Variants in DMXL2 observed in about 807,000 individuals in gnomAD.
DMXL2 encodes Dmx like 2.
In DMXL2, 103 loss-of-function variants were observed where a neutral mutation model predicts 331.1. The observed-to-expected ratio is 0.31, with a 90% CI of 0.27 to 0.37. DMXL2 has a LOEUF of 0.37. Ranked by LOEUF, DMXL2 falls within the 10% of genes least tolerant of loss-of-function variation. The pLI, the probability that DMXL2 is intolerant of heterozygous loss-of-function variation, is 1.00. For synonymous variants in DMXL2, 1,281 were observed against 1,252.1 expected, an observed-to-expected ratio of 1.02 and a Z score of -0.49; for missense variants, 3,171 against 3,642.9, an observed-to-expected ratio of 0.87 and a Z score of 3.33.
chr15:51,576,000 T>C, intron 2 of DMXL2, 56 bp downstream of exon 2: 1 of 1,495,176 alleles, frequency 6.7e-7, no homozygotes, highest in Non-Finnish European at 9.1e-7. Context: ...AAGAAGATTC[T>C]GAGATTATTA....
At chr15:51,554,496 T>C (rs2049423513) in intron 6 of DMXL2, among the ~76,000 whole-genome samples, 1 of 152,196 alleles carries the variant, frequency 6.6e-6, no homozygotes, top group South Asian at 2.1e-4. Context: ...GTTTTTCCAG[T>C]GATTCTGACA....
chr15:51,527,478 T>G (rs1184250704), intron 13 of DMXL2, among the ~76,000 whole-genome samples: 2 of 152,046 alleles, frequency 1.3e-5, no homozygotes, highest in African/African-American at 4.8e-5. Context: ...CCTGTAATCC[T>G]AGCACTTTGG....
intron 42 of DMXL2, chr15:51,450,571 CAGAG>C (rs1213312840): frequency 1.9e-5 from 10 of 518,186 alleles, no homozygotes; most frequent in Non-Finnish European, 3.5e-5. Context: ...GAAATGAACA[CAGAG>C]AGAAAAAGAA....
At position 51,535,772 on chromosome 15, in the gene DMXL2, T is replaced by C. The variant is rs1596162934; in HGVS notation, c.2327A>G (p.Asn776Ser). ...IPSYCLGTYC[N>S]SASACFVASD... Reference sequence around the variant, plus strand: ...AGCAACAAAGCAAGCACTTGCAGAATTGCAGTATGTGCCTGAGAAAGGAAA... The same window carrying C: ...AGCAACAAAGCAAGCACTTGCAGAACTGCAGTATGTGCCTGAGAAAGGAAA... Residue 776 changes from asparagine to serine, a missense_variant, in exon 13 of 44, where the codon AAT becomes AGT. This residue lies in a region of DMXL2 where 1,674 missense variants were observed against 1,780.2 expected (regional missense o/e 0.94). Transcript: ENST00000560891. 4.4e-6 allele frequency: 7 copies of C among 1,608,698 alleles called. No individual in the cohort carries two copies. Among genetic ancestry groups the C allele is most frequent in the East Asian group, 2.2e-5 (1 of 44,590 alleles).
rs571853460 is a variant in DMXL2, at chr15:51,504,444, C to T, written c.2765-1411G>A. Among the ~76,000 whole-genome samples the T allele has an allele frequency of 2.0e-5, 3 of 152,282 alleles. No homozygotes were observed. In the South Asian group the frequency reaches 6.2e-4, roughly 32 times the overall value. ...ATTGACTTGATCTTCCAAAGAACTT[C>T]CAGTGAGTGTAAATCTCTGATTCAG... On this transcript the variant is annotated intron_variant, in intron 16 of 43. Coordinates refer to ENST00000560891, the MANE Select transcript of DMXL2 (RefSeq NM_001378457.1).
chr15:51,478,904 TA>T (rs1005017374), intron 25 of DMXL2, among the ~76,000 whole-genome samples: 6 of 144,612 alleles, frequency 4.1e-5, no homozygotes, highest in Admixed American at 3.6e-4. Context: ...TAGAAAGTTT[TA>T]AATTTCTCCA....
chr15:51,540,170 T>C (rs1217780819), intron 9 of DMXL2, among the ~76,000 whole-genome samples: 1 of 152,186 alleles, frequency 6.6e-6, no homozygotes, highest in Non-Finnish European at 1.5e-5. Context: ...GAAAGAAAAC[T>C]GAGAGACAAC....
At chr15:51,495,984 A>G (rs1417869830) in intron 18 of DMXL2, among the ~76,000 whole-genome samples, 1 of 152,026 alleles carries the variant, frequency 6.6e-6, no homozygotes, top group East Asian at 1.9e-4. Flanking sequence ...CAGTTTTGCC[A>G]TTACTTTTGC....
chr15:51,606,694 G>A (rs1315654145), intron 1 of DMXL2, among the ~76,000 whole-genome samples: 1 of 152,130 alleles, frequency 6.6e-6, no homozygotes, highest in African/African-American at 2.4e-5. Context: ...AATACACAAA[G>A]TCAACAATAT....
intron 3 of DMXL2, 35 bp from the exon 4 acceptor site, chr15:51,565,201 GA>G: frequency 7.1e-7 from 1 of 1,410,796 alleles, no homozygotes; most frequent in Non-Finnish European, 9.6e-7. Context: ...TAAGAAAAAA[GA>G]AAAAGATGTT....
chr15:51,537,387 C>G (rs1567085564), intron 11 of DMXL2, 101 bp downstream of exon 11: 10 of 1,329,210 alleles, frequency 7.5e-6, no homozygotes, highest in Non-Finnish European at 7.0e-6. Flanking sequence ...TTATCAAAAC[C>G]AAAATTTTCA....
chr15:51,460,010 T>C, intron 33 of DMXL2: 2 of 984,270 alleles, frequency 2.0e-6, no homozygotes, highest in South Asian at 4.7e-5. Context: ...GCTACATAAA[T>C]TCCTGCCCTA....
chr15:51,450,206 C>T lies in DMXL2; in HGVS notation c.8890G>A (p.Asp2964Asn). The T allele has an allele frequency of 6.2e-7, 1 of 1,614,098 alleles. No homozygotes were observed. Among genetic ancestry groups the T allele is most frequent in the Non-Finnish European group, 8.5e-7 (1 of 1,180,016 alleles). ...AAGGCCAGAGCCTTAATAGCTGAGTCATGGGCCTGGAACGTGTGAATGAGC... is the reference window on the plus strand; with the variant it reads ...AAGGCCAGAGCCTTAATAGCTGAGTTATGGGCCTGGAACGTGTGAATGAGC... ...RQLIHTFQAHDSAIKALALDP... is the reference protein window; with the variant it reads ...RQLIHTFQAHNSAIKALALDP... The change falls in exon 43 of 44, where the codon GAC (aspartate) becomes AAC (asparagine). Residue 2964 changes from aspartate to asparagine, a missense_variant. Coordinates refer to ENST00000560891, the MANE Select transcript of DMXL2 (RefSeq NM_001378457.1).
intron 17 of DMXL2, among the ~76,000 whole-genome samples, chr15:51,501,221 A>C (rs2043576040): frequency 6.6e-6 from 1 of 152,218 alleles, no homozygotes; most frequent in African/African-American, 2.4e-5. Flanking sequence ...CTTACGGATG[A>C]ATAAGAAAAC....
chr15:51,517,881 T>C (rs2047124769), intron 13 of DMXL2, among the ~76,000 whole-genome samples: 1 of 152,204 alleles, frequency 6.6e-6, no homozygotes, highest in Non-Finnish European at 1.5e-5. Flanking sequence ...AACTTTCTTA[T>C]TTGTATCAGT....
chr15:51,620,681 T>C (rs962371917), intron 1 of DMXL2, among the ~76,000 whole-genome samples: 42 of 152,138 alleles, frequency 2.8e-4, no homozygotes, highest in Admixed American at 2.7e-3. Context: ...CCAATAAGAT[T>C]GTAAAATAAG....
intron 22 of DMXL2, 146 bp downstream of exon 22, chr15:51,487,808 C>T: frequency 1.6e-6 from 1 of 616,810 alleles, no homozygotes; most frequent in Non-Finnish European, 2.5e-6. Flanking sequence ...TTTCCTTTAC[C>T]ACAGTGCCAC....
chr15:51,496,019 T>C (rs990032839), intron 18 of DMXL2, among the ~76,000 whole-genome samples: 3 of 152,070 alleles, frequency 2.0e-5, no homozygotes, highest in African/African-American at 7.2e-5. Flanking sequence ...TATCTATTTA[T>C]TTATTTATGG....
chr15:51,530,587 T>TAA (rs550510463), intron 13 of DMXL2, among the ~76,000 whole-genome samples: 3 of 120,224 alleles, frequency 2.5e-5, no homozygotes, highest in Admixed American at 8.5e-5. Context: ...CCATCTCTAC[T>TAA]AAAAAAAAAA....
Sources: allele counts gnomAD v4.1 joint callset (sites outside exome capture counted in the v4.1 genomes callset), GRCh38; gene constraint gnomAD v4.1.1; regional missense constraint gnomAD v4.1.1; transcripts MANE v1.5; gene names NCBI Gene and HGNC (gene_info 2026-07-23, HGNC 2026-07-21).